The following MAML2 variants were observed in gnomAD, a reference collection of about 807,000 sequenced individuals.
MAML2 encodes mastermind-like protein 2.
A neutral mutation model predicts 96.1 loss-of-function variants in MAML2; 22 were observed. That is an observed-to-expected ratio of 0.23 (90% confidence interval 0.16 to 0.33). The LOEUF (loss-of-function observed/expected upper bound fraction) is 0.33. Among genes scored for constraint, MAML2 ranks in the 10% least tolerant of loss-of-function variants. The pLI is 1.00. For missense variants in MAML2, 1,367 were observed against 1,392.4 expected (o/e 0.98, Z 0.29); for synonymous variants, 561 against 521.3 (o/e 1.08, Z -1.04).
chr11:95,978,864 C>T lies in MAML2; in HGVS notation c.*84G>A. 3 of 1,232,020 alleles carry T rather than the reference C, an allele frequency of 2.4e-6. No homozygotes were observed. The highest frequency in any genetic ancestry group is 2.0e-4 in the Middle Eastern group (1 of 5,048). The allele number at this position is 1,232,020 out of a possible 1,614,324, so 76.3% of individuals were successfully genotyped here. A position where few individuals can be genotyped will look rare whatever the true frequency, so the allele number is the denominator to read the frequency against. ...GTTATCTTCATGTAGTCCACCTGAA[C>T]ATCAACAGTTCAGCCTCTACAGAGT... On this transcript the variant is annotated 3_prime_UTR_variant, in exon 5 of 5. Transcript: ENST00000524717.
chr11:95,997,360 T>C (rs1288013318), intron 2 of MAML2, among the ~76,000 whole-genome samples: 1 of 152,166 alleles, frequency 6.6e-6, no homozygotes, highest in Non-Finnish European at 1.5e-5. Context: ...GTCCCTGAGA[T>C]AGTGTAGCAT....
chr11:96,342,014 A>T lies in MAML2; in HGVS notation c.-119T>A. ...GCTCAGTGTTCAGGGCCACATGAAT[A>T]GAGGTCTTCAGAGGTTGTGGGGGAG... On this transcript the variant is annotated 5_prime_UTR_variant, in exon 1 of 5. Transcript: ENST00000524717. The T allele has an allele frequency of 5.4e-6, 5 of 931,242 alleles. No individual in the cohort carries two copies. The South Asian group carries it at 9.1e-5, about 17-fold the overall frequency. The allele number at this position is 931,242 out of a possible 1,614,324, so 57.7% of individuals were successfully genotyped here. A position where few individuals can be genotyped will look rare whatever the true frequency, so the allele number is the denominator to read the frequency against.
chr11:96,185,237 G>C (rs4090736), intron 1 of MAML2, among the ~76,000 whole-genome samples: 3 of 150,586 alleles, frequency 2.0e-5, no homozygotes, highest in Admixed American at 6.6e-5. Flanking sequence ...TTGGTTACAC[G>C]CAGTTGTCAG....
intron 2 of MAML2, among the ~76,000 whole-genome samples, chr11:96,080,688 T>C (rs1306454216): frequency 6.6e-6 from 1 of 152,212 alleles, no homozygotes; most frequent in African/African-American, 2.4e-5. Flanking sequence ...ATATAGGCAA[T>C]GATTAAGTAT....
intron 1 of MAML2, among the ~76,000 whole-genome samples, chr11:96,291,083 C>A (rs1464691805): frequency 6.7e-6 from 1 of 148,194 alleles, no homozygotes; most frequent in African/African-American, 2.5e-5. Flanking sequence ...TTTCTTAGAG[C>A]CATGTGACAT....
chr11:96,231,980 T>G (rs1431419071), intron 1 of MAML2, among the ~76,000 whole-genome samples: 1 of 152,212 alleles, frequency 6.6e-6, no homozygotes, highest in Non-Finnish European at 1.5e-5. Context: ...GACGTAGGTG[T>G]CTAGTTATGC....
intron 2 of MAML2, among the ~76,000 whole-genome samples, chr11:96,045,514 C>T (rs1274146971): frequency 6.6e-6 from 1 of 152,166 alleles, no homozygotes; most frequent in African/African-American, 2.4e-5. Context: ...AGATTAAGTC[C>T]TTTACCCCTT....
chr11:96,266,249 G>T (rs976503895), intron 1 of MAML2, among the ~76,000 whole-genome samples: 2 of 152,068 alleles, frequency 1.3e-5, no homozygotes, highest in African/African-American at 4.8e-5. Flanking sequence ...GTACCAAGCT[G>T]GTCTGTATGA....
chr11:96,053,627 G>A (rs1425035209), intron 2 of MAML2, among the ~76,000 whole-genome samples: 7 of 151,958 alleles, frequency 4.6e-5, no homozygotes, highest in Admixed American at 4.6e-4. Context: ...ATGGGATGGG[G>A]GGGTGACCAA....
chr11:96,294,845 T>A (rs1175604669), intron 1 of MAML2, among the ~76,000 whole-genome samples: 3 of 152,152 alleles, frequency 2.0e-5, no homozygotes, highest in Non-Finnish European at 4.4e-5. Flanking sequence ...TTGCCCTCTG[T>A]CACCAAGCTG....
intron 1 of MAML2, among the ~76,000 whole-genome samples, chr11:96,198,518 G>T (rs1217987473): frequency 6.6e-6 from 1 of 152,084 alleles, no homozygotes; most frequent in Admixed American, 6.5e-5. Context: ...GGGGGTAGAT[G>T]GAGGGTCCCA....
chr11:96,056,182 A>T (rs1859064231), intron 2 of MAML2, among the ~76,000 whole-genome samples: 3 of 152,198 alleles, frequency 2.0e-5, no homozygotes. Flanking sequence ...TTGTTCTAAC[A>T]GGGCATCCCT....
At chr11:96,070,865 T>A (rs1431508050) in intron 2 of MAML2, among the ~76,000 whole-genome samples, 1 of 152,264 alleles carries the variant, frequency 6.6e-6, no homozygotes, top group Non-Finnish European at 1.5e-5. Flanking sequence ...ATGTGTTCAG[T>A]GCAGGCAGCA....
intron 1 of MAML2, among the ~76,000 whole-genome samples, chr11:96,106,952 ACATG>A (rs1860032488): frequency 6.8e-6 from 1 of 146,798 alleles, no homozygotes. Flanking sequence ...AAGACTCTAA[ACATG>A]CCATTGTAAC....
At chr11:96,278,096 G>A (rs1235012083) in intron 1 of MAML2, among the ~76,000 whole-genome samples, 2 of 152,138 alleles carry the variant, frequency 1.3e-5, no homozygotes, top group Admixed American at 1.3e-4. Flanking sequence ...GCTGTTCTTG[G>A]AAGCACACCT....
At position 96,092,175 on chromosome 11, in the gene MAML2, T is replaced by C. The variant is rs1017098762; in HGVS notation, c.1856A>G (p.Gln619Arg). ...TTGAGCTGAAATTGAACTCTGCTGT[T>C]GCTGTTGCTGTTGCTGTTGCTGCTG... The part of the protein sequence containing the change: ...QQQQQQQQQQ[Q>R]QQSSISAQQQ... Residue 619 changes from glutamine (Q) to arginine (R), a missense_variant, in exon 2 of 5, where the codon CAA becomes CGA. Physicochemically the swap from Gln to Arg is conservative, Grantham distance 43. Coordinates refer to ENST00000524717, the MANE Select transcript of MAML2 (RefSeq NM_032427.4). The surrounding 1 kb of genome is among the most constrained non-coding windows in gnomAD (Gnocchi z 4.1). 7.1e-5 allele frequency: 109 copies of C among 1,540,832 alleles called. No homozygotes were observed. The East Asian group carries it at 2.6e-3, about 37-fold the overall frequency.
At chr11:96,337,469 C>T (rs535926181) in intron 1 of MAML2, among the ~76,000 whole-genome samples, 153 of 152,300 alleles carry the variant, frequency 1.0e-3, no homozygotes, top group African/African-American at 3.5e-3. Flanking sequence ...TTTGTGTAAA[C>T]AACTTTTCTA....
intron 1 of MAML2, among the ~76,000 whole-genome samples, chr11:96,123,154 A>G (rs1860379097): frequency 6.6e-6 from 1 of 152,188 alleles, no homozygotes; most frequent in Non-Finnish European, 1.5e-5. Flanking sequence ...TGCTGGAAGC[A>G]TTCTTCTTTC....
At chr11:96,188,333 T>C (rs957842751) in intron 1 of MAML2, among the ~76,000 whole-genome samples, 1 of 152,206 alleles carries the variant, frequency 6.6e-6, no homozygotes, top group African/African-American at 2.4e-5. Flanking sequence ...GAATAGAAAA[T>C]GGAAAGCCAA....
Sources: allele counts gnomAD v4.1 joint callset (sites outside exome capture counted in the v4.1 genomes callset), GRCh38; gene constraint gnomAD v4.1.1; non-coding constraint Gnocchi (gnomAD v3.1); transcripts MANE v1.5; gene names NCBI Gene and HGNC (gene_info 2026-07-23, HGNC 2026-07-21).